CNBD1: variants seen among roughly 807,000 people sequenced by gnomAD.
The protein encoded by CNBD1 is cyclic nucleotide-binding domain-containing protein 1.
In CNBD1, 71 loss-of-function variants were observed where a neutral mutation model predicts 54.4. That is an observed-to-expected ratio of 1.30 (90% CI 1.08 to 1.59). The LOEUF is 1.59. CNBD1 is among the 40% of genes most tolerant of loss of function. The probability of loss-of-function intolerance (pLI) is 0.00; values close to 1 mark genes in which losing one functional copy is unlikely to be tolerated. For missense variants in CNBD1, 659 were observed against 518.0 expected (o/e 1.27, Z -2.64); for synonymous variants, 182 against 170.7 (o/e 1.07, Z -0.51).
intron 10 of CNBD1, among the ~76,000 whole-genome samples, chr8:87,377,076 ATTTT>A (rs1810957786): frequency 7.9e-6 from 1 of 127,048 alleles, no homozygotes; most frequent in Non-Finnish European, 1.7e-5. Flanking sequence ...TCTTTATTTT[ATTTT>A]ATTTTATTTC....
intron 4 of CNBD1, among the ~76,000 whole-genome samples, chr8:87,126,196 G>C (rs1815581357): frequency 6.6e-6 from 1 of 151,912 alleles, no homozygotes; most frequent in South Asian, 2.1e-4. Flanking sequence ...ATACCTAGGA[G>C]TGGAATAGTT....
chr8:87,269,539 T>A (rs528892593), intron 6 of CNBD1, among the ~76,000 whole-genome samples: 1 of 152,282 alleles, frequency 6.6e-6, no homozygotes, highest in African/African-American at 2.4e-5. Flanking sequence ...TATTTATTCT[T>A]GCTATCCACG....
intron 6 of CNBD1, 174 bp downstream of exon 6, chr8:87,237,286 T>C: frequency 2.4e-6 from 1 of 421,776 alleles, no homozygotes; most frequent in Non-Finnish European, 4.2e-6. Flanking sequence ...TAAACATTTT[T>C]GATAAAGGAT....
chr8:87,366,202 C>G (rs28733530), intron 10 of CNBD1, among the ~76,000 whole-genome samples: 2,846 of 152,054 alleles, frequency 0.019, 91 homozygotes, highest in African/African-American at 0.062. Flanking sequence ...GGTTCAACTG[C>G]GTTCTATTCT....
chr8:87,085,536 A>G (rs1811079231), intron 4 of CNBD1, among the ~76,000 whole-genome samples: 1 of 151,908 alleles, frequency 6.6e-6, no homozygotes, highest in African/African-American at 2.4e-5. Context: ...TTATTTATTT[A>G]TTTTTATTCT....
intron 4 of CNBD1, among the ~76,000 whole-genome samples, chr8:87,031,062 A>T (rs930841211): frequency 1.3e-5 from 2 of 149,852 alleles, no homozygotes; most frequent in Non-Finnish European, 3.0e-5. Context: ...TATGTTTCAC[A>T]GTTGGGTTTT....
intron 4 of CNBD1, among the ~76,000 whole-genome samples, chr8:87,104,809 A>G (rs1811499524): frequency 3.3e-5 from 5 of 152,318 alleles, no homozygotes; most frequent in African/African-American, 1.2e-4. Context: ...GTGAAGCAGA[A>G]TTTTCTCCCA....
intron 8 of CNBD1, among the ~76,000 whole-genome samples, chr8:87,318,870 G>C (rs1269176170): frequency 6.6e-6 from 1 of 152,014 alleles, no homozygotes; most frequent in East Asian, 1.9e-4. Context: ...TCTTTCTTTG[G>C]AAGTAGCATC....
At chr8:87,138,632 G>A (rs984525364) in intron 4 of CNBD1, among the ~76,000 whole-genome samples, 3 of 152,136 alleles carry the variant, frequency 2.0e-5, no homozygotes, top group Non-Finnish European at 2.9e-5. Context: ...AAGGTGGCAC[G>A]TCTTTCAGGA....
At chr8:86,994,231 G>A (rs1163228012) in intron 4 of CNBD1, among the ~76,000 whole-genome samples, 1 of 152,216 alleles carries the variant, frequency 6.6e-6, no homozygotes, top group Non-Finnish European at 1.5e-5. Context: ...GAGTTGAGCT[G>A]CAACTGTGCT....
intron 6 of CNBD1, among the ~76,000 whole-genome samples, chr8:87,253,098 C>T (rs369254357): frequency 6.6e-6 from 1 of 152,206 alleles, no homozygotes; most frequent in East Asian, 1.9e-4. Flanking sequence ...ACGTCAGATT[C>T]CTAAGGGTAG....
At chr8:86,941,723 G>A (rs978658831) in intron 4 of CNBD1, among the ~76,000 whole-genome samples, 1 of 152,150 alleles carries the variant, frequency 6.6e-6, no homozygotes. Flanking sequence ...GTGGACTACC[G>A]CGAAAAGCAG....
At chr8:87,332,005 G>C (rs1472238995) in intron 8 of CNBD1, among the ~76,000 whole-genome samples, 1 of 146,342 alleles carries the variant, frequency 6.8e-6, no homozygotes, top group Non-Finnish European at 1.5e-5. Context: ...CTCCCATTCT[G>C]TAGGTTGCAT....
At chr8:87,126,580 T>A (rs1220831613) in intron 4 of CNBD1, among the ~76,000 whole-genome samples, 1 of 152,076 alleles carries the variant, frequency 6.6e-6, no homozygotes, top group Non-Finnish European at 1.5e-5. Context: ...GCAAATATTT[T>A]CTCCCAGTAT....
intron 4 of CNBD1, among the ~76,000 whole-genome samples, chr8:87,128,378 G>A (rs538999370): frequency 2.0e-5 from 3 of 152,242 alleles, no homozygotes; most frequent in African/African-American, 4.8e-5. Context: ...CCTTAGCTCC[G>A]GCACCTGCCC....
intron 5 of CNBD1, among the ~76,000 whole-genome samples, chr8:87,225,634 C>T (rs1439803692): frequency 2.6e-5 from 4 of 152,128 alleles, no homozygotes; most frequent in South Asian, 2.1e-4. Flanking sequence ...CTGCTGGATT[C>T]GGTTTGCCAG....
intron 2 of CNBD1, among the ~76,000 whole-genome samples, chr8:87,403,133 A>G (rs2130978777): frequency 6.6e-6 from 1 of 152,154 alleles, no homozygotes; most frequent in South Asian, 2.1e-4. Context: ...AGAAAATAAA[A>G]AAAAAATTGA....
chr8:87,260,876 A>C (rs1808126348), intron 6 of CNBD1, among the ~76,000 whole-genome samples: 1 of 152,094 alleles, frequency 6.6e-6, no homozygotes, highest in Non-Finnish European at 1.5e-5. Flanking sequence ...GTTTTCCAAA[A>C]ATTGAGGATC....
At chr8:87,315,452 C>T (rs1809365979) in intron 8 of CNBD1, among the ~76,000 whole-genome samples, 1 of 151,824 alleles carries the variant, frequency 6.6e-6, no homozygotes, top group Non-Finnish European at 1.5e-5. Flanking sequence ...TACTTGGCTT[C>T]TGGTGAGGAC....
Sources: gnomAD v4.1 joint callset for allele counts (sites outside exome capture counted in the v4.1 genomes callset) on GRCh38, gnomAD v4.1.1 for gene constraint, MANE v1.5 for transcripts, NCBI Gene and HGNC (gene_info 2026-07-23, HGNC 2026-07-21) for gene names.